Variants in CACNA1B observed in about 807,000 individuals in gnomAD.
The protein encoded by CACNA1B is calcium voltage-gated channel subunit alpha1 B, also known as voltage-dependent N-type calcium channel subunit alpha-1B.
A neutral mutation model predicts 247.2 loss-of-function variants in CACNA1B; 70 were observed. That is an observed-to-expected ratio of 0.28 (90% CI 0.23 to 0.35). The LOEUF (loss-of-function observed/expected upper bound fraction) is 0.35, where lower values mean the gene tolerates loss of function less well. CACNA1B is among the 10% of genes least tolerant of loss of function. CACNA1B has a pLI of 1.00. For synonymous variants in CACNA1B, 1,231 were observed against 1,294.4 expected, an observed-to-expected ratio of 0.95 and a Z score of 1.05; for missense variants, 2,367 against 3,197.4, an observed-to-expected ratio of 0.74 and a Z score of 6.26.
chr9:137,951,413 A>G (rs949277506), intron 6 of CACNA1B, among the ~76,000 whole-genome samples: 12 of 151,770 alleles, frequency 7.9e-5, no homozygotes, highest in African/African-American at 2.7e-4. Context: ...CAGTGCCCCA[A>G]CTGTCCTCCT....
In CACNA1B at chr9:137,882,883, G is replaced by C; in HGVS notation, c.530G>C (p.Gly177Ala). 3 of 1,613,752 alleles carry C rather than the reference G, an allele frequency of 1.9e-6. No homozygotes were observed. The highest frequency in any genetic ancestry group is 2.5e-6 in the Non-Finnish European group (3 of 1,179,786). ...NVMDFVVVLTGILATAGTDFD... is the reference protein window; with the variant it reads ...NVMDFVVVLTAILATAGTDFD... ...ATGGACTTCGTGGTCGTCCTCACAGGGTAGGCAAGCTGAGGCCAGGAGGCC... is the reference window on the plus strand; with the variant it reads ...ATGGACTTCGTGGTCGTCCTCACAGCGTAGGCAAGCTGAGGCCAGGAGGCC... The change falls in exon 3 of 47, where the codon GGG (glycine) becomes GCG (alanine). Residue 177 changes from glycine (G) to alanine (A), a missense_variant and splice_region_variant. Physicochemically the swap from Gly to Ala is moderately conservative, Grantham distance 60 (BLOSUM62 0). Around this residue, in one of 12 missense-constraint regions of CACNA1B, gnomAD observed 130 missense variants for 338.7 expected, o/e 0.38. Coordinates refer to ENST00000371372, the MANE Select transcript of CACNA1B (RefSeq NM_000718.4). The surrounding 1 kb of genome is among the most constrained non-coding windows in gnomAD (Gnocchi z 4.0).
At chr9:137,988,319 G>A (rs1958391578) in intron 15 of CACNA1B, among the ~76,000 whole-genome samples, 2 of 152,196 alleles carry the variant, frequency 1.3e-5, no homozygotes, top group South Asian at 4.1e-4. Flanking sequence ...TGGCAGGTGT[G>A]GGATGGGAAA....
chr9:138,063,366 C>T (rs565550222), intron 31 of CACNA1B, among the ~76,000 whole-genome samples: 8 of 152,326 alleles, frequency 5.3e-5, no homozygotes, highest in African/African-American at 1.9e-4. Context: ...TAGTGGCACA[C>T]GCCCGTAGTC....
At chr9:137,886,508 T>G in intron 3 of CACNA1B, among the ~76,000 whole-genome samples, 1 of 151,240 alleles carries the variant, frequency 6.6e-6, no homozygotes, top group Non-Finnish European at 1.5e-5. Flanking sequence ...CATCATTCAT[T>G]CATTCAGTGT....
chr9:137,916,471 C>T (rs1957412452), intron 5 of CACNA1B, among the ~76,000 whole-genome samples: 1 of 152,142 alleles, frequency 6.6e-6, no homozygotes, highest in African/African-American at 2.4e-5. Context: ...TTCTCTGGTC[C>T]CTGGCTGCCT....
rs1960297322 is a variant in CACNA1B, at chr9:138,075,841, A to G, written c.4880A>G (p.Asp1627Gly). The change falls in exon 35 of 47, where the codon GAT becomes GGT. Residue 1627 changes from aspartate to glycine, a missense_variant. Asp to Gly is a moderately conservative substitution (Grantham distance 94). Around this residue, in one of 12 missense-constraint regions of CACNA1B, gnomAD observed 436 missense variants for 679.5 expected, o/e 0.64. Coordinates refer to ENST00000371372, the MANE Select transcript of CACNA1B (RefSeq NM_000718.4). ...GMQVFGNIAL[D>G]DDTSINRHNN... ...CAGGTGTTTGGGAATATTGCCCTGG[A>G]TGATGACACCAGCATCAACCGCCAC... 3.1e-6 allele frequency: 5 copies of G among 1,608,850 alleles called. No individual in the cohort carries two copies. Among genetic ancestry groups the G allele is most frequent in the Non-Finnish European group, 4.3e-6 (5 of 1,176,164 alleles).
chr9:137,928,054 T>C (rs906759572), intron 6 of CACNA1B, among the ~76,000 whole-genome samples: 2 of 152,194 alleles, frequency 1.3e-5, no homozygotes, highest in Non-Finnish European at 2.9e-5. Context: ...TAAGGAGTCT[T>C]ACACTTATAT....
intron 15 of CACNA1B, among the ~76,000 whole-genome samples, chr9:138,002,542 T>C (rs1297311438): frequency 8.2e-5 from 9 of 109,142 alleles, no homozygotes; most frequent in Non-Finnish European, 1.2e-4. Context: ...AAAGCCCATA[T>C]CCAAAAAAAA....
In CACNA1B at chr9:138,024,942, T is replaced by C; in HGVS notation, c.3069-13T>C. 1 of 1,554,354 alleles carries C rather than the reference T, an allele frequency of 6.4e-7. No individual in the cohort carries two copies. Among genetic ancestry groups the C allele is most frequent in the Non-Finnish European group, 8.7e-7 (1 of 1,146,090 alleles). On this transcript the variant is annotated splice_polypyrimidine_tract_variant and intron_variant, in intron 19 of 46. Coordinates refer to ENST00000371372, the MANE Select transcript of CACNA1B (RefSeq NM_000718.4). ...CCACTGCGCCGAGGCCTGATGTACA[T>C]TCTTGATTGCAGGGAGCCACACTGT... is the stretch of plus-strand genomic sequence containing the variant.
intron 6 of CACNA1B, among the ~76,000 whole-genome samples, chr9:137,947,933 A>T (rs912370168): frequency 7.4e-5 from 9 of 122,414 alleles, no homozygotes; most frequent in Non-Finnish European, 1.0e-4. Context: ...TTAAATCTGT[A>T]TGTTTGTGTC....
intron 3 of CACNA1B, among the ~76,000 whole-genome samples, chr9:137,895,103 C>T (rs954247792): frequency 2.6e-5 from 4 of 152,208 alleles, no homozygotes; most frequent in African/African-American, 9.6e-5. Context: ...GTTGAAAGGG[C>T]TGCATTTCTT....
At chr9:138,116,242 G>A (rs565651037) in intron 42 of CACNA1B, among the ~76,000 whole-genome samples, 250 of 152,302 alleles carry the variant, frequency 1.6e-3, no homozygotes, top group African/African-American at 5.7e-3. Flanking sequence ...TTTCCTCTCA[G>A]ATCTCCACTT....
At chr9:137,937,947 CAAAAAAAAAAAAAAAA>C (rs57680122) in intron 6 of CACNA1B, among the ~76,000 whole-genome samples, 2 of 21,924 alleles carry the variant, frequency 9.1e-5, no homozygotes, top group Non-Finnish European at 1.8e-4. Flanking sequence ...AACTCTGTCT[CAAAAAAAAAAAAAAAA>C]AAAAAAAAAA....
intron 38 of CACNA1B, among the ~76,000 whole-genome samples, chr9:138,103,839 GCTCTGTGCCCTGA>G (rs1961335176): frequency 1.3e-5 from 2 of 152,234 alleles, no homozygotes; most frequent in African/African-American, 4.8e-5. Context: ...GTCCACACTG[GCTCTGTGCCCTGA>G]CTCTAGGTCT....
chr9:137,934,810 G>A (rs981433124), intron 6 of CACNA1B, among the ~76,000 whole-genome samples: 5 of 152,126 alleles, frequency 3.3e-5, no homozygotes, highest in African/African-American at 1.2e-4. Context: ...CACCCCATGG[G>A]ACAAAAGAAT....
chr9:137,993,949 C>A (rs1958465793), intron 15 of CACNA1B, among the ~76,000 whole-genome samples: 2 of 152,076 alleles, frequency 1.3e-5, no homozygotes, highest in Admixed American at 1.3e-4. Context: ...AAATCCTCAA[C>A]AAAATACTAG....
At chr9:137,893,568 T>A (rs1320724768) in intron 3 of CACNA1B, among the ~76,000 whole-genome samples, 1 of 151,578 alleles carries the variant, frequency 6.6e-6, no homozygotes, top group Non-Finnish European at 1.5e-5. Context: ...GGAGGATCGC[T>A]TGAACCCAGG....
rs936838447 is a variant in CACNA1B, at chr9:138,057,040, A to G, written c.3969-692A>G. Among the ~76,000 whole-genome samples, 4 of 141,816 alleles carry G rather than the reference A, an allele frequency of 2.8e-5. No individual in the cohort carries two copies. Among genetic ancestry groups the G allele is most frequent in the African/African-American group, 1.1e-4 (4 of 36,960 alleles). 93.0% of individuals were successfully genotyped at this position (141,816 alleles called of 152,430 possible). ...AGGCTCCACCTCCCGGGTTCACGCC[A>G]TTCTCCTGCCTCAGCCTCCCGAGTA... On this transcript the variant is annotated intron_variant, in intron 26 of 46. Transcript: ENST00000371372. This position sits in a 1 kb window ranked among gnomAD's most constrained non-coding sequence, Gnocchi z 4.0.
At position 138,115,823 on chromosome 9, in the gene CACNA1B, C is replaced by T. The variant is rs146139836; in HGVS notation, c.5777+144C>T. On this transcript the variant is annotated intron_variant, in intron 42 of 46. Coordinates refer to ENST00000371372, the MANE Select transcript of CACNA1B (RefSeq NM_000718.4). ...CACCAGCTTGGAGGCACCTGAGGGG[C>T]GTGTCTGCCATCCGACCCTGCACTT... 7.5e-4 allele frequency: 593 copies of T among 795,064 alleles called. 2 individuals carry two copies. In the African/African-American group the frequency reaches 8.8e-3, roughly 12 times the overall value. 49.3% of individuals were successfully genotyped at this position (795,064 alleles called of 1,614,324 possible).
Sources: allele counts gnomAD v4.1 joint callset (sites outside exome capture counted in the v4.1 genomes callset), GRCh38; gene constraint gnomAD v4.1.1; regional missense constraint gnomAD v4.1.1; non-coding constraint Gnocchi (gnomAD v3.1); transcripts MANE v1.5; gene names NCBI Gene and HGNC (gene_info 2026-07-23, HGNC 2026-07-21).